Variants in CDR2L observed in about 807,000 individuals in gnomAD.
The protein encoded by CDR2L is cerebellar degeneration related protein 2 like.
CDR2L carries 19 observed loss-of-function variants against 36.1 expected under a neutral mutation model. That is an observed-to-expected ratio of 0.53 (90% CI 0.37 to 0.77). The LOEUF is 0.77. Among genes scored for constraint, CDR2L ranks in the 30% least tolerant of loss-of-function variants. The pLI is 0.00. For synonymous variants in CDR2L, 285 were observed against 280.4 expected, an observed-to-expected ratio of 1.02 and a Z score of -0.16; for missense variants, 575 against 627.2, an observed-to-expected ratio of 0.92 and a Z score of 0.89.
Position 75,003,478 on chromosome 17 carries a change from G to C in CDR2L, c.802G>C (p.Asp268His), listed in dbSNP as rs1453113231. ...GGCCAAGACCTACCTACTGGGTCCG[G>C]ACGACCACCTGGCCGAGGCCCTGCT... Reference protein sequence around the residue: ...KQAKTYLLGPDDHLAEALLAP... With the variant: ...KQAKTYLLGPHDHLAEALLAP... The change falls in exon 5 of 5, where the codon GAC (aspartate) becomes CAC (histidine). Residue 268 changes from aspartate (D) to histidine (H), a missense_variant. Transcript: ENST00000337231. 6.4e-7 allele frequency: 1 copy of C among 1,567,218 alleles called. No homozygotes were observed. The highest frequency in any genetic ancestry group is 2.4e-5 in the East Asian group (1 of 41,968).
chr17:75,003,463 TA>T lies in CDR2L; in HGVS notation c.788del (p.Tyr263SerfsTer109). The T allele has an allele frequency of 6.3e-7, 1 of 1,576,436 alleles. No homozygotes were observed. Among genetic ancestry groups the T allele is most frequent in the Non-Finnish European group, 8.6e-7 (1 of 1,162,222 alleles). Reference sequence around the variant, plus strand: ...GCAGCAGATGAAGCAGGCCAAGACCTACCTACTGGGTCCGGACGACCACCTG... The same window carrying T: ...GCAGCAGATGAAGCAGGCCAAGACCTCCTACTGGGTCCGGACGACCACCTG... ...ELQQMKQAKT[Y>X]LLGPDDHLAE... On this transcript the variant is annotated frameshift_variant, in exon 5 of 5. Transcript: ENST00000337231. LOFTEE classifies it high-confidence loss of function.
chr17:74,993,386 T>A (rs2039808099), intron 1 of CDR2L, among the ~76,000 whole-genome samples: 1 of 152,092 alleles, frequency 6.6e-6, no homozygotes, highest in African/African-American at 2.4e-5. Flanking sequence ...CAGGCAATTC[T>A]CCTGCCTCAG....
chr17:74,994,424 G>A (rs2039813402), intron 1 of CDR2L, among the ~76,000 whole-genome samples: 1 of 152,192 alleles, frequency 6.6e-6, no homozygotes, highest in African/African-American at 2.4e-5. Context: ...TTCCTGGACA[G>A]TCTTTTGACA....
Position 75,002,252 on chromosome 17 carries a change from T to G in CDR2L, c.506+24T>G. ...CGGTAGGTGAGAGCACTGCTTGGTG[T>G]CTCTGGGATTGCCAGCCATGGGAGG... On this transcript the variant is annotated intron_variant, in intron 4 of 4. Coordinates refer to ENST00000337231, the MANE Select transcript of CDR2L (RefSeq NM_014603.3). The surrounding 1 kb of genome is among the most constrained non-coding windows in gnomAD (Gnocchi z 4.1). The G allele has an allele frequency of 6.3e-7, 1 of 1,588,886 alleles. No homozygotes were observed. Among genetic ancestry groups the G allele is most frequent in the Non-Finnish European group, 8.6e-7 (1 of 1,168,894 alleles).
chr17:75,003,311 G>A lies in CDR2L; in HGVS notation c.635G>A (p.Arg212His). ...LRSQVSQERQRKERAEREYTA... is the reference protein window; with the variant it reads ...LRSQVSQERQHKERAEREYTA... ...TCCCAGGTGAGCCAGGAGCGGCAGC[G>A]CAAGGAGCGGGCGGAGCGCGAGTAC... The change falls in exon 5 of 5, where the codon CGC becomes CAC. Residue 212 changes from arginine to histidine, a missense_variant. Transcript: ENST00000337231. The A allele has an allele frequency of 1.9e-6, 3 of 1,555,576 alleles. No individual in the cohort carries two copies. The highest frequency in any genetic ancestry group is 1.2e-5 in the South Asian group (1 of 84,326).
chr17:74,992,645 T>A (rs1186495979), intron 1 of CDR2L, among the ~76,000 whole-genome samples: 3 of 152,240 alleles, frequency 2.0e-5, no homozygotes, highest in South Asian at 4.1e-4. Flanking sequence ...CCTGGCAGCT[T>A]TGACCAGCTT....
Position 75,003,805 on chromosome 17 carries a change from C to T in CDR2L, c.1129C>T (p.His377Tyr). The change falls in exon 5 of 5, where the codon CAC becomes TAC. Residue 377 changes from histidine to tyrosine, a missense_variant. Transcript: ENST00000337231. Reference sequence around the variant, plus strand: ...GGAGCTGCTGAGCAAGTGCCGGCAGCACGGGGCCGGAGTGCGGCACGCCGG... The same window carrying T: ...GGAGCTGCTGAGCAAGTGCCGGCAGTACGGGGCCGGAGTGCGGCACGCCGG... ...YEELLSKCRQ[H>Y]GAGVRHAGVQ... 5.2e-6 allele frequency: 8 copies of T among 1,540,750 alleles called. No individual in the cohort carries two copies. The highest frequency in any genetic ancestry group is 7.0e-6 in the Non-Finnish European group (8 of 1,142,002).
intron 1 of CDR2L, among the ~76,000 whole-genome samples, chr17:74,995,789 C>T (rs915960606): frequency 1.3e-5 from 2 of 152,182 alleles, no homozygotes; most frequent in Non-Finnish European, 2.9e-5. Flanking sequence ...AGGCATGAGC[C>T]ACTGCACCCG....
At chr17:74,999,658 C>T (rs752791973) in intron 2 of CDR2L, 42 bp downstream of exon 2, 3 of 1,281,040 alleles carry the variant, frequency 2.3e-6, no homozygotes, top group Non-Finnish European at 3.3e-6. Flanking sequence ...CTCGAGGGCC[C>T]CTTGGCCTGT....
intron 1 of CDR2L, among the ~76,000 whole-genome samples, chr17:74,997,943 G>A (rs570113001): frequency 1.9e-4 from 27 of 145,028 alleles, no homozygotes; most frequent in South Asian, 6.5e-4. Context: ...AAAAAGTACC[G>A]GGCACGGTGG....
At chr17:74,997,235 C>T (rs1287942043) in intron 1 of CDR2L, among the ~76,000 whole-genome samples, 2 of 152,096 alleles carry the variant, frequency 1.3e-5, no homozygotes, top group East Asian at 3.9e-4. Context: ...TGCGCCACCA[C>T]ACCCAGCTAA....
chr17:74,999,898 G>A (rs542648225), intron 2 of CDR2L, among the ~76,000 whole-genome samples: 20 of 151,824 alleles, frequency 1.3e-4, no homozygotes, highest in Non-Finnish European at 1.6e-4. Flanking sequence ...CCACCTCAGC[G>A]TCCTAAAGTG....
rs189115647 is a variant in CDR2L at position 75,003,294 on chromosome 17, G to A, written c.618G>A (p.Val206=). ...QTLVGALRSQ[V]SQERQRKERA... Reference sequence around the variant, plus strand: ...TGGTGGGGGCGCTGCGCTCCCAGGTGAGCCAGGAGCGGCAGCGCAAGGAGC... The same window carrying A: ...TGGTGGGGGCGCTGCGCTCCCAGGTAAGCCAGGAGCGGCAGCGCAAGGAGC... The change falls in exon 5 of 5, where the codon GTG becomes GTA. Residue 206 remains valine, a synonymous_variant. Transcript: ENST00000337231. 1.5e-5 allele frequency: 24 copies of A among 1,556,336 alleles called. No homozygotes were observed. In the Admixed American group the frequency reaches 2.5e-4, roughly 16 times the overall value.
At chr17:74,996,957 C>G (rs1210030781) in intron 1 of CDR2L, among the ~76,000 whole-genome samples, 1 of 152,132 alleles carries the variant, frequency 6.6e-6, no homozygotes, top group Non-Finnish European at 1.5e-5. Flanking sequence ...CCAAGAAGTT[C>G]TGAATCATCT....
At chr17:74,990,740 G>A (rs569671867) in intron 1 of CDR2L, among the ~76,000 whole-genome samples, 1 of 152,352 alleles carries the variant, frequency 6.6e-6, no homozygotes, top group African/African-American at 2.4e-5. Flanking sequence ...CGTGGGCCCT[G>A]CCCGCCCTGT....
chr17:74,992,879 T>C, intron 1 of CDR2L, among the ~76,000 whole-genome samples: 1 of 152,118 alleles, frequency 6.6e-6, no homozygotes, highest in Non-Finnish European at 1.5e-5. Context: ...GACACTAACC[T>C]GGAAGTGGGG....
chr17:74,999,114 G>C (rs1401423652), intron 1 of CDR2L, among the ~76,000 whole-genome samples: 1 of 152,192 alleles, frequency 6.6e-6, no homozygotes, highest in Non-Finnish European at 1.5e-5. Context: ...CGCTAGTCTG[G>C]CTGTTAAGAG....
intron 1 of CDR2L, among the ~76,000 whole-genome samples, chr17:74,996,740 G>C (rs1160287416): frequency 6.6e-6 from 1 of 152,102 alleles, no homozygotes; most frequent in Non-Finnish European, 1.5e-5. Flanking sequence ...CAGGGTACAA[G>C]CACCAGGGCT....
rs752306986 is a variant in CDR2L at position 74,997,063 on chromosome 17, TCTTTCTTTCTTTCTTTCTTTC to T, written c.80-2440_80-2420del. ...TTCTTTCTTTCTTTCTTTCTTTCTTTCTTTCTTTCTTTCTTTCTTTCTTTTTTTTTTTTGAGACTGAGTCTC... is the reference window on the plus strand; with the variant it reads ...TTCTTTCTTTCTTTCTTTCTTTCTTTTTTTTTTTTTTTGAGACTGAGTCTC... On this transcript the variant is annotated intron_variant, in intron 1 of 4. Transcript: ENST00000337231. Among the ~76,000 whole-genome samples the T allele has an allele frequency of 3.6e-4, 40 of 109,866 alleles. 1 individual carries two copies. The highest frequency in any genetic ancestry group is 1.7e-3 in the South Asian group (6 of 3,616). The allele number at this position is 109,866 out of a possible 152,430, so 72.1% of individuals were successfully genotyped here. A position where few individuals can be genotyped will look rare whatever the true frequency, so the allele number is the denominator to read the frequency against.
Sources: allele counts gnomAD v4.1 joint callset (sites outside exome capture counted in the v4.1 genomes callset), GRCh38; gene constraint gnomAD v4.1.1; non-coding constraint Gnocchi (gnomAD v3.1); transcripts MANE v1.5; gene names NCBI Gene and HGNC (gene_info 2026-07-23, HGNC 2026-07-21).